ASB2: variants seen among roughly 807,000 people sequenced by gnomAD.
ASB2 encodes the protein ankyrin repeat and SOCS box protein 2.
Under a neutral mutation model 62.4 loss-of-function variants are expected in ASB2, and 58 were observed. The ratio of observed to expected loss-of-function variants is 0.93; its 90% confidence interval spans 0.75 to 1.16. ASB2 has a LOEUF of 1.16. ASB2 is among the 50% of genes most tolerant of loss of function. The probability of loss-of-function intolerance (pLI) is 0.00; values close to 1 mark genes in which losing one functional copy is unlikely to be tolerated. For missense variants in ASB2, 928 were observed against 887.9 expected (o/e 1.05, Z -0.57); for synonymous variants, 386 against 385.3 (o/e 1.00, Z -0.02).
chr14:93,965,892 C>G (rs61980694), intron 1 of ASB2, among the ~76,000 whole-genome samples: 3,384 of 152,348 alleles, frequency 0.022, 54 homozygotes, highest in Admixed American at 0.037. Flanking sequence ...GAAGAGCTTC[C>G]CACTGGAGCT....
At chr14:93,937,055 A>G (rs1888296712) in intron 9 of ASB2, among the ~76,000 whole-genome samples, 1 of 152,144 alleles carries the variant, frequency 6.6e-6, no homozygotes, top group Non-Finnish European at 1.5e-5. Context: ...AGGCGGGTCC[A>G]GCTGAAAGGA....
chr14:93,947,618 G>T (rs760306203), intron 6 of ASB2, 98 bp from the exon 7 acceptor site: 1 of 1,216,836 alleles, frequency 8.2e-7, no homozygotes, highest in Non-Finnish European at 1.2e-6. Context: ...TGCTAACCAC[G>T]GTAATGCACG....
intron 7 of ASB2, 134 bp downstream of exon 7, chr14:93,947,215 T>G: frequency 1.1e-6 from 1 of 885,640 alleles, no homozygotes; most frequent in Non-Finnish European, 1.7e-6. Flanking sequence ...GGAAAGGTGA[T>G]GTCCATTCTG....
intron 2 of ASB2, among the ~76,000 whole-genome samples, chr14:93,958,737 C>T (rs911298022): frequency 2.0e-5 from 3 of 152,156 alleles, no homozygotes; most frequent in African/African-American, 7.2e-5. Flanking sequence ...CAGCCTGGGG[C>T]CAGGCTCACC....
intron 9 of ASB2, among the ~76,000 whole-genome samples, chr14:93,935,586 A>G (rs1888245334): frequency 6.6e-6 from 1 of 152,178 alleles, no homozygotes; most frequent in Non-Finnish European, 1.5e-5. Context: ...GGGGAGGGGC[A>G]GGAATTTCCA....
At chr14:93,943,253 C>A (rs1888598792) in intron 7 of ASB2, among the ~76,000 whole-genome samples, 1 of 152,222 alleles carries the variant, frequency 6.6e-6, no homozygotes, top group Admixed American at 6.5e-5. Flanking sequence ...TCTTGACCAC[C>A]ACCACAACTG....
In ASB2 at chr14:93,953,418, A is replaced by G. The variant is rs768050876; in HGVS notation, c.568T>C (p.Ser190Pro). ...TCRGHLDCLL[S>P]LLQAGAEPDI... ...GGCTCTGCCCCTGCTTGGAGCAGTG[A>G]CAGGAGACAGTCCAGGTGGCCCCTG... is the stretch of plus-strand genomic sequence containing the variant. The change falls in exon 5 of 10, where the codon TCA becomes CCA. Residue 190 changes from serine (S) to proline (P), a missense_variant. Transcript: ENST00000555019. 16 of 1,608,478 alleles carry G rather than the reference A, an allele frequency of 9.9e-6. No individual in the cohort carries two copies. The highest frequency in any genetic ancestry group is 1.7e-5 in the Admixed American group (1 of 59,876).
chr14:93,942,216 C>T, intron 7 of ASB2: 2 of 456,102 alleles, frequency 4.4e-6, no homozygotes, highest in Non-Finnish European at 8.8e-6. Flanking sequence ...TTTGGATTCT[C>T]AGAGTATAAT....
rs146382240 is a variant in ASB2 at position 93,954,447 on chromosome 14, G to A, written c.348C>T (p.Gly116=). ...ADPLIKAIKD[G]DEEALKTMIK... The stretch of plus-strand genomic sequence containing the variant: ...TCATGGTCTTCAAGGCCTCTTCATC[G>A]CCATCCTTGATGGCCTTTATCAAGG... The change falls in exon 4 of 10, where the codon GGC becomes GGT. Residue 116 remains glycine (G), a synonymous_variant. Transcript: ENST00000555019. 3.3e-4 allele frequency: 527 copies of A among 1,614,160 alleles called. 3 individuals are homozygous for A. The African/African-American group carries it at 5.4e-3, about 17-fold the overall frequency.
chr14:93,954,978 C>G lies in ASB2; in HGVS notation c.312-495G>C, dbSNP rs1440615908. 2.2e-5 allele frequency: 10 copies of G among 447,868 alleles called. No individual in the cohort carries two copies. In the East Asian group the frequency reaches 6.3e-4, roughly 28 times the overall value. The allele number at this position is 447,868 out of a possible 1,614,324, so 27.7% of individuals were successfully genotyped here. A position where few individuals can be genotyped will look rare whatever the true frequency, so the allele number is the denominator to read the frequency against. On this transcript the variant is annotated intron_variant, in intron 3 of 9. Coordinates refer to ENST00000555019, the MANE Select transcript of ASB2 (RefSeq NM_001202429.2). ...AGGATTAATAAATTTGAAGCCTTCACAGTTTAAAACTTCTGAATGTCAAAA... is the reference window on the plus strand; with the variant it reads ...AGGATTAATAAATTTGAAGCCTTCAGAGTTTAAAACTTCTGAATGTCAAAA...
intron 8 of ASB2, 66 bp downstream of exon 8, chr14:93,939,042 T>G: frequency 7.5e-7 from 1 of 1,336,104 alleles, no homozygotes; most frequent in Non-Finnish European, 9.7e-7. Context: ...CCGCCTCCCA[T>G]GCGCGCGCGC....
At chr14:93,967,328 G>A (rs564935309) in intron 1 of ASB2, among the ~76,000 whole-genome samples, 6 of 135,288 alleles carry the variant, frequency 4.4e-5, no homozygotes, top group African/African-American at 1.3e-4. Flanking sequence ...TGCCCAGTGA[G>A]GTATGACACC....
chr14:93,955,365 A>G (rs1889149460), intron 3 of ASB2: 3 of 350,172 alleles, frequency 8.6e-6, no homozygotes, highest in Middle Eastern at 1.0e-3. Context: ...GTGGTTATTA[A>G]TGGTGTCAGA....
chr14:93,953,118 G>A (rs140413223), intron 5 of ASB2, among the ~76,000 whole-genome samples: 28 of 152,320 alleles, frequency 1.8e-4, no homozygotes, highest in African/African-American at 5.3e-4. Context: ...GCACAGGTTG[G>A]ACTATAGCTT....
intron 1 of ASB2, among the ~76,000 whole-genome samples, chr14:93,975,015 G>A (rs895163500): frequency 6.6e-6 from 1 of 152,224 alleles, no homozygotes; most frequent in Admixed American, 6.5e-5. Flanking sequence ...TCTTGGGGAC[G>A]CTGTGCAGCA....
Position 93,954,332 on chromosome 14 carries a change from T to G in ASB2, c.463A>C (p.Lys155Gln). The part of the protein sequence containing the change: ...AAYYGQVGCL[K>Q]VLQRAYPGTI... ...CAGCCCTCACCTCGCTGCAGGACTT[T>G]CAGGCAGCCCACCTGGCCATAGTAT... The change falls in exon 4 of 10, where the codon AAA (lysine) becomes CAA (glutamine). Residue 155 changes from lysine to glutamine, a missense_variant. Physicochemically the swap from Lys to Gln is moderately conservative, Grantham distance 53. Transcript: ENST00000555019. The G allele has an allele frequency of 1.2e-6, 2 of 1,613,610 alleles. No individual in the cohort carries two copies. The highest frequency in any genetic ancestry group is 1.7e-6 in the Non-Finnish European group (2 of 1,179,964).
At chr14:93,954,073 T>G in intron 4 of ASB2, 1 of 547,418 alleles carries the variant, frequency 1.8e-6, no homozygotes, top group Non-Finnish European at 3.2e-6. Flanking sequence ...AAGTCAGCCC[T>G]CCCTCATTCC....
rs1290773920 is a variant in ASB2, at chr14:93,939,120, G to A, written c.1605C>T (p.Pro535=). The change falls in exon 8 of 10, where the codon CCC becomes CCT. Residue 535 remains proline, a synonymous_variant. Transcript: ENST00000555019. ...FNDAPAADKE[P]SVVQFCEFVS... ...GTGCGCTGCCCACCTGCACCACGCT[G>A]GGCTCCTTGTCGGCCGCGGGCGCGT... is the stretch of plus-strand genomic sequence containing the variant. The A allele has an allele frequency of 2.0e-6, 3 of 1,519,026 alleles. No individual in the cohort carries two copies. The South Asian group carries it at 3.7e-5, about 19-fold the overall frequency. The allele number at this position is 1,519,026 out of a possible 1,614,324, so 94.1% of individuals were successfully genotyped here.
chr14:93,947,440 C>G lies in ASB2; in HGVS notation c.961G>C (p.Glu321Gln). ...TCGGCACCCTGTGACAGCAGAAACT[C>G]CACCACCTCCTCATGCTCATTCTTG... is the stretch of plus-strand genomic sequence containing the variant. ...ACKNEHEEVV[E>Q]FLLSQGADAN... is the part of the protein sequence containing the mutation. Residue 321 changes from glutamate to glutamine, a missense_variant, in exon 7 of 10, where the codon GAG (glutamate) becomes CAG (glutamine). By Grantham distance (29) the Glu-to-Gln change is conservative (BLOSUM62 2). Coordinates refer to ENST00000555019, the MANE Select transcript of ASB2 (RefSeq NM_001202429.2). 1 of 1,614,244 alleles carries G rather than the reference C, an allele frequency of 6.2e-7. No individual in the cohort carries two copies. The highest frequency in any genetic ancestry group is 8.5e-7 in the Non-Finnish European group (1 of 1,180,046).
Sources: allele counts gnomAD v4.1 joint callset (sites outside exome capture counted in the v4.1 genomes callset), GRCh38; gene constraint gnomAD v4.1.1; transcripts MANE v1.5; gene names NCBI Gene and HGNC (gene_info 2026-07-23, HGNC 2026-07-21).